Variants in PRRC2B observed in about 807,000 individuals in gnomAD.
The protein encoded by PRRC2B is proline rich coiled-coil 2B, also known as protein PRRC2B.
A neutral mutation model predicts 242.3 loss-of-function variants in PRRC2B; 68 were observed. The observed-to-expected ratio is 0.28, with a 90% CI of 0.23 to 0.34. The LOEUF is 0.34. PRRC2B is among the 10% of genes least tolerant of loss of function. PRRC2B has a pLI of 1.00. For synonymous variants in PRRC2B, 1,228 were observed against 1,173.6 expected (o/e 1.05, Z -0.95); for missense variants, 2,835 against 2,954.8 (o/e 0.96, Z 0.94).
intron 3 of PRRC2B, among the ~76,000 whole-genome samples, chr9:131,433,273 C>T (rs1275133511): frequency 6.6e-6 from 1 of 152,242 alleles, no homozygotes; most frequent in Non-Finnish European, 1.5e-5. Flanking sequence ...GAGGAGACTT[C>T]TGCTGTTGCT....
intron 9 of PRRC2B, among the ~76,000 whole-genome samples, chr9:131,454,024 G>C (rs1456473189): frequency 6.6e-6 from 1 of 152,146 alleles, no homozygotes; most frequent in Non-Finnish European, 1.5e-5. Context: ...CCTGTTGGCA[G>C]GCGCTCTCTC....
At chr9:131,408,398 C>T (rs763470198) in intron 1 of PRRC2B, among the ~76,000 whole-genome samples, 6 of 152,060 alleles carry the variant, frequency 3.9e-5, no homozygotes, top group Non-Finnish European at 7.4e-5. Flanking sequence ...TGGACATTTC[C>T]GTAGGGAAAT....
chr9:131,383,704 C>G (rs1222009297), intron 1 of PRRC2B, among the ~76,000 whole-genome samples: 2 of 150,630 alleles, frequency 1.3e-5, no homozygotes, highest in Non-Finnish European at 2.9e-5. Flanking sequence ...TTACTGCAAC[C>G]TCCGCCTCAT....
intron 23 of PRRC2B, 56 bp downstream of exon 23, chr9:131,483,501 G>C: frequency 6.8e-7 from 1 of 1,463,546 alleles, no homozygotes; most frequent in South Asian, 1.1e-5. Context: ...GGCAGGCCCT[G>C]GGTGAAGGAG....
intron 13 of PRRC2B, 45 bp from the exon 14 acceptor site, chr9:131,470,743 C>T: frequency 2.6e-6 from 4 of 1,546,822 alleles, no homozygotes; most frequent in Middle Eastern, 2.2e-4. Context: ...CATCTCTGTC[C>T]CTGGCCGCAC....
chr9:131,411,012 C>T (rs555627127), intron 1 of PRRC2B, among the ~76,000 whole-genome samples: 1 of 152,120 alleles, frequency 6.6e-6, no homozygotes, highest in South Asian at 2.1e-4. Context: ...TCCCAGCACT[C>T]TGGGAGGCCG....
At chr9:131,410,595 G>A (rs1837483347) in intron 1 of PRRC2B, among the ~76,000 whole-genome samples, 1 of 152,238 alleles carries the variant, frequency 6.6e-6, no homozygotes, top group Non-Finnish European at 1.5e-5. Flanking sequence ...CTGGATGATA[G>A]TGACCTTGAA....
intron 3 of PRRC2B, among the ~76,000 whole-genome samples, chr9:131,434,684 G>A (rs1004916893): frequency 2.0e-5 from 3 of 152,242 alleles, no homozygotes; most frequent in Non-Finnish European, 4.4e-5. Flanking sequence ...TCTGTATAGA[G>A]TTTGGCTTCC....
At chr9:131,400,243 G>A (rs1014860714) in intron 1 of PRRC2B, among the ~76,000 whole-genome samples, 1 of 152,054 alleles carries the variant, frequency 6.6e-6, no homozygotes, top group African/African-American at 2.4e-5. Context: ...GCGCCACCAT[G>A]CCTGACTAAG....
intron 1 of PRRC2B, among the ~76,000 whole-genome samples, chr9:131,404,651 T>A (rs1258534148): frequency 6.6e-6 from 1 of 152,170 alleles, no homozygotes; most frequent in East Asian, 1.9e-4. Flanking sequence ...ACCCACATTA[T>A]CCACATGCAC....
chr9:131,384,864 A>G (rs1327986991), intron 1 of PRRC2B, among the ~76,000 whole-genome samples: 1 of 152,120 alleles, frequency 6.6e-6, no homozygotes, highest in African/African-American at 2.4e-5. Context: ...CGAAGGAGAC[A>G]TTTTCACATT....
Position 131,446,673 on chromosome 9 carries a change from C to A in PRRC2B, c.855+31C>A, listed in dbSNP as rs1838811892. The A allele has an allele frequency of 1.9e-6, 3 of 1,610,084 alleles. No homozygotes were observed. In the East Asian group the frequency reaches 6.7e-5, roughly 36 times the overall value. On this transcript the variant is annotated intron_variant, in intron 7 of 31. Coordinates refer to ENST00000683519, the MANE Select transcript of PRRC2B (RefSeq NM_013318.4). This position sits in a 1 kb window ranked among gnomAD's most constrained non-coding sequence, Gnocchi z 4.1. The stretch of plus-strand genomic sequence containing the variant: ...TCTTCAGAGTGTACTTTTTTTCCCC[C>A]CATGAAGTTGGATTGTGTCCAGCAG...
chr9:131,469,096 T>C (rs1394213786), intron 13 of PRRC2B, among the ~76,000 whole-genome samples: 1 of 152,034 alleles, frequency 6.6e-6, no homozygotes, highest in African/African-American at 2.4e-5. Context: ...TCCCAGCACT[T>C]TGGGAGGCAG....
rs776056250 is a variant in PRRC2B, at chr9:131,436,604, C to T, written c.294-16C>T. ...CTCTGTGCGGTGCCTGACCCCACTGCCCTGCCTTTGTCTAGTTCCAGTGCG... is the reference window on the plus strand; with the variant it reads ...CTCTGTGCGGTGCCTGACCCCACTGTCCTGCCTTTGTCTAGTTCCAGTGCG... On this transcript the variant is annotated splice_polypyrimidine_tract_variant and intron_variant, in intron 3 of 31. Transcript: ENST00000683519. 3.1e-6 allele frequency: 5 copies of T among 1,608,204 alleles called. No individual in the cohort carries two copies. Among genetic ancestry groups the T allele is most frequent in the South Asian group, 1.1e-5 (1 of 90,424 alleles).
intron 3 of PRRC2B, among the ~76,000 whole-genome samples, chr9:131,433,698 G>C (rs1464479837): frequency 6.6e-6 from 1 of 152,212 alleles, no homozygotes; most frequent in Non-Finnish European, 1.5e-5. Flanking sequence ...TGGCCTCCCT[G>C]CTGATGTAGG....
chr9:131,469,296 T>G (rs10901060), intron 13 of PRRC2B, among the ~76,000 whole-genome samples: 33,503 of 152,086 alleles, frequency 0.22, 4,868 homozygotes, highest in Non-Finnish European at 0.33. Flanking sequence ...GTCGCACCAC[T>G]GCCTTCCAGC....
At chr9:131,448,630 T>C (rs1464230027) in intron 9 of PRRC2B, among the ~76,000 whole-genome samples, 1 of 138,742 alleles carries the variant, frequency 7.2e-6, no homozygotes, top group Non-Finnish European at 1.5e-5. Flanking sequence ...GTTTGCAGGG[T>C]CCATCATGGT....
chr9:131,388,540 CT>C (rs1269816292), intron 1 of PRRC2B, among the ~76,000 whole-genome samples: 1 of 148,662 alleles, frequency 6.7e-6, no homozygotes, highest in Non-Finnish European at 1.5e-5. Flanking sequence ...ACGCCCAGCA[CT>C]TTTTTTCTTT....
chr9:131,473,746 C>G lies in PRRC2B; in HGVS notation c.2324+22C>G. The G allele has an allele frequency of 1.9e-6, 3 of 1,593,954 alleles. No individual in the cohort carries two copies. In the South Asian group the frequency reaches 3.4e-5, roughly 18 times the overall value. Reference sequence around the variant, plus strand: ...TCAGGTGAGATGAAGCCTGGTCCTGCTGCCTTGCCACTGAAGGAGGACTCC... The same window carrying G: ...TCAGGTGAGATGAAGCCTGGTCCTGGTGCCTTGCCACTGAAGGAGGACTCC... On this transcript the variant is annotated intron_variant, in intron 15 of 31. Transcript: ENST00000683519.
Sources: allele counts gnomAD v4.1 joint callset (sites outside exome capture counted in the v4.1 genomes callset), GRCh38; gene constraint gnomAD v4.1.1; non-coding constraint Gnocchi (gnomAD v3.1); transcripts MANE v1.5; gene names NCBI Gene and HGNC (gene_info 2026-07-23, HGNC 2026-07-21).